KDM5A: variants seen among roughly 807,000 people sequenced by gnomAD.
The protein encoded by KDM5A is lysine demethylase 5A.
Under a neutral mutation model 193.5 loss-of-function variants are expected in KDM5A, and 42 were observed. The ratio of observed to expected loss-of-function variants is 0.22; its 90% CI spans 0.17 to 0.28. KDM5A has a LOEUF of 0.28. Ranked by LOEUF, KDM5A falls within the 10% of genes least tolerant of loss-of-function variation. The probability of loss-of-function intolerance (pLI) is 1.00; values close to 1 mark genes in which losing one functional copy is unlikely to be tolerated. For missense variants in KDM5A, 1,692 were observed against 2,055.1 expected, an observed-to-expected ratio of 0.82 and a Z score of 3.42; for synonymous variants, 796 against 718.1, an observed-to-expected ratio of 1.11 and a Z score of -1.73.
intron 17 of KDM5A, among the ~76,000 whole-genome samples, chr12:321,426 A>G (rs1943716124): frequency 6.6e-6 from 1 of 152,232 alleles, no homozygotes; most frequent in Non-Finnish European, 1.5e-5. Context: ...AATGTGAAAG[A>G]GCCTTTAACC....
At chr12:289,133 G>A (rs2137359481) in intron 27 of KDM5A, among the ~76,000 whole-genome samples, 1 of 152,108 alleles carries the variant, frequency 6.6e-6, no homozygotes, top group African/African-American at 2.4e-5. Flanking sequence ...CATGGAAGTA[G>A]GAATGGGTAA....
intron 4 of KDM5A, 25 bp from the exon 5 acceptor site, chr12:363,122 G>A: frequency 1.9e-6 from 3 of 1,613,716 alleles, no homozygotes; most frequent in East Asian, 2.2e-5. Context: ...CACAGAAAGA[G>A]AGCAGGTTCA....
At chr12:324,744 A>G (rs1369829410) in intron 14 of KDM5A, among the ~76,000 whole-genome samples, 1 of 152,026 alleles carries the variant, frequency 6.6e-6, no homozygotes, top group East Asian at 1.9e-4. Context: ...GTGGTGATGC[A>G]TGCCTGTAGT....
intron 3 of KDM5A, among the ~76,000 whole-genome samples, chr12:366,545 G>A (rs180728617): frequency 9.9e-5 from 15 of 152,112 alleles, no homozygotes; most frequent in Admixed American, 4.6e-4. Context: ...TAACAAAAAC[G>A]TCAATCAAAC....
intron 18 of KDM5A, among the ~76,000 whole-genome samples, chr12:320,147 T>C (rs754793223): frequency 1.3e-5 from 2 of 152,126 alleles, no homozygotes; most frequent in African/African-American, 2.4e-5. Flanking sequence ...TCTTATGAAA[T>C]GGAGTAAGAC....
chr12:369,367 T>C (rs1471430674), intron 3 of KDM5A, among the ~76,000 whole-genome samples: 3 of 152,212 alleles, frequency 2.0e-5, no homozygotes, highest in Non-Finnish European at 4.4e-5. Context: ...GATACATTTA[T>C]GAATAAAACA....
At chr12:302,389 C>T (rs1191404701) in intron 24 of KDM5A, among the ~76,000 whole-genome samples, 1 of 152,168 alleles carries the variant, frequency 6.6e-6, no homozygotes, top group Non-Finnish European at 1.5e-5. Context: ...ACCATCTGAT[C>T]TTTGACAAAC....
chr12:369,034 T>A (rs1451075950), intron 3 of KDM5A, among the ~76,000 whole-genome samples: 1 of 152,218 alleles, frequency 6.6e-6, no homozygotes, highest in Non-Finnish European at 1.5e-5. Context: ...AAGATGAACC[T>A]ATGGCCGAAG....
intron 21 of KDM5A, among the ~76,000 whole-genome samples, chr12:310,461 C>T (rs1222425773): frequency 6.6e-6 from 1 of 152,082 alleles, no homozygotes; most frequent in Admixed American, 6.5e-5. Flanking sequence ...GATGAAATCC[C>T]ATCTCCACCA....
Position 323,192 on chromosome 12 carries a change from A to C in KDM5A, c.2165T>G (p.Leu722Ter). ...QKKCLRYRYP[L>*]EDLPSLLYGV... ...ATATAGCAGAGAAGGGAGGTCTTCTAATGGGTAGCGATATCTACAAAAAAA... is the reference window on the plus strand; with the variant it reads ...ATATAGCAGAGAAGGGAGGTCTTCTCATGGGTAGCGATATCTACAAAAAAA... Residue 722 changes from leucine (L) to a stop codon, truncating the protein, a stop_gained, in exon 16 of 28, where the codon TTA becomes TGA. Transcript: ENST00000399788. LOFTEE classifies it high-confidence loss of function. The C allele has an allele frequency of 1.6e-6, 1 of 611,788 alleles. No homozygotes were observed. Among genetic ancestry groups the C allele is most frequent in the Non-Finnish European group, 3.0e-6 (1 of 333,152 alleles). 37.9% of individuals were successfully genotyped at this position (611,788 alleles called of 1,614,324 possible). A position where few individuals can be genotyped will look rare whatever the true frequency, so the allele number is the denominator to read the frequency against.
Position 307,664 on chromosome 12 carries a change from C to T in KDM5A, c.3720G>A (p.Leu1240=), listed in dbSNP as rs768489569. 1.9e-6 allele frequency: 3 copies of T among 1,614,086 alleles called. No individual in the cohort carries two copies. The highest frequency in any genetic ancestry group is 2.7e-5 in the African/African-American group (2 of 74,926). The part of the protein sequence containing the change: ...LVSLQKLPVR[L]PEGEALQCLT... ...AACACTGCAGGGCCTCTCCTTCAGG[C>T]AACCGTACGGGCAACTTCTGAAGGG... The change falls in exon 23 of 28, where the codon TTG becomes TTA. Residue 1240 remains leucine, a synonymous_variant. Coordinates refer to ENST00000399788, the MANE Select transcript of KDM5A (RefSeq NM_001042603.3). This position sits in a 1 kb window ranked among gnomAD's most constrained non-coding sequence, Gnocchi z 4.3.
At chr12:351,878 T>C (rs1944164306) in intron 9 of KDM5A, among the ~76,000 whole-genome samples, 1 of 151,110 alleles carries the variant, frequency 6.6e-6, no homozygotes, top group Non-Finnish European at 1.5e-5. Flanking sequence ...CCGAGGCGAG[T>C]GGATAACCTG....
At chr12:324,891 AG>A (rs1003460606) in intron 14 of KDM5A, among the ~76,000 whole-genome samples, 3 of 152,018 alleles carry the variant, frequency 2.0e-5, no homozygotes, top group African/African-American at 7.2e-5. Flanking sequence ...AAAAAAAAAA[AG>A]AATGTAAGAG....
chr12:358,698 C>CA (rs372388929), intron 5 of KDM5A, among the ~76,000 whole-genome samples: 4 of 152,232 alleles, frequency 2.6e-5, no homozygotes, highest in African/African-American at 9.6e-5. Context: ...AAAGGCCAGG[C>CA]ATGATGACTC....
chr12:382,703 G>A (rs927192228), intron 3 of KDM5A, among the ~76,000 whole-genome samples: 2 of 152,146 alleles, frequency 1.3e-5, no homozygotes, highest in African/African-American at 2.4e-5. Flanking sequence ...GGAGATCAAG[G>A]TGAGCGGATC....
At position 318,087 on chromosome 12, in the gene KDM5A, G is replaced by A; in HGVS notation, c.2897+19C>T. Reference sequence around the variant, plus strand: ...TGACTTAGTTGTTAAAGAGGCAACTGTCACCAAAATGTGTTCACCTTGCCT... The same window carrying A: ...TGACTTAGTTGTTAAAGAGGCAACTATCACCAAAATGTGTTCACCTTGCCT... On this transcript the variant is annotated intron_variant, in intron 19 of 27. Coordinates refer to ENST00000399788, the MANE Select transcript of KDM5A (RefSeq NM_001042603.3). 1 of 1,584,842 alleles carries A rather than the reference G, an allele frequency of 6.3e-7. No homozygotes were observed. Among genetic ancestry groups the A allele is most frequent in the Non-Finnish European group, 8.7e-7 (1 of 1,153,574 alleles).
chr12:357,827 C>CAAAAAACA (rs1311927829), intron 5 of KDM5A, among the ~76,000 whole-genome samples: 1 of 29,866 alleles, frequency 3.3e-5, no homozygotes, highest in East Asian at 8.9e-4. Flanking sequence ...GACTCAGTCT[C>CAAAAAACA]AAAAAAAAAA....
At chr12:332,846 C>T (rs1309152533) in intron 12 of KDM5A, among the ~76,000 whole-genome samples, 1 of 152,102 alleles carries the variant, frequency 6.6e-6, no homozygotes, top group East Asian at 1.9e-4. Context: ...AGAGCCACCA[C>T]TTAAAATACC....
chr12:315,116 C>T (rs1943635348), intron 19 of KDM5A, among the ~76,000 whole-genome samples: 1 of 152,166 alleles, frequency 6.6e-6, no homozygotes, highest in Admixed American at 6.5e-5. Flanking sequence ...CAAGCTACGA[C>T]AGCAGCCTGA....
Sources: gnomAD v4.1 joint callset for allele counts (sites outside exome capture counted in the v4.1 genomes callset) on GRCh38, gnomAD v4.1.1 for gene constraint, Gnocchi (gnomAD v3.1) non-coding constraint, MANE v1.5 for transcripts, NCBI Gene and HGNC (gene_info 2026-07-23, HGNC 2026-07-21) for gene names.